Variants in GTF2F1 observed in about 807,000 individuals in gnomAD.
GTF2F1 encodes general transcription factor IIF 74 kDa subunit.
Under a neutral mutation model 63.5 loss-of-function variants are expected in GTF2F1, and 39 were observed. The ratio of observed to expected loss-of-function variants is 0.61; its 90% CI spans 0.48 to 0.80. The LOEUF (loss-of-function observed/expected upper bound fraction) is 0.80. GTF2F1 is among the 30% of genes least tolerant of loss of function. The probability of loss-of-function intolerance (pLI) is 0.00; values close to 1 mark genes in which losing one functional copy is unlikely to be tolerated. For synonymous variants in GTF2F1, 287 were observed against 285.3 expected, an observed-to-expected ratio of 1.01 and a Z score of -0.06; for missense variants, 657 against 718.3, an observed-to-expected ratio of 0.91 and a Z score of 0.97.
rs2092008217 is a variant in GTF2F1, at chr19:6,393,060, G to A, written c.-65C>T. 2 of 1,603,944 alleles carry A rather than the reference G, an allele frequency of 1.2e-6. No homozygotes were observed. Among genetic ancestry groups the A allele is most frequent in the Non-Finnish European group, 8.5e-7 (1 of 1,173,190 alleles). On this transcript the variant is annotated 5_prime_UTR_variant, in exon 1 of 13. It adds an upstream start codon to the 5' untranslated region. Transcript: ENST00000394456. Reference sequence around the variant, plus strand: ...TCCTTTCGTCTCCTCTGGCGTGCGCGTCCCTCGATCCCGGGGAAGCCGCCG... The same window carrying A: ...TCCTTTCGTCTCCTCTGGCGTGCGCATCCCTCGATCCCGGGGAAGCCGCCG...
At position 6,387,563 on chromosome 19, in the gene GTF2F1, C is replaced by A. The variant is rs1332370531; in HGVS notation, c.327-4G>T. ...TCCCTTCTTGATGCCCTTGAACCTGCAGGGAGCCACGGTCATGGCCTGGCC... is the reference window on the plus strand; with the variant it reads ...TCCCTTCTTGATGCCCTTGAACCTGAAGGGAGCCACGGTCATGGCCTGGCC... On this transcript the variant is annotated splice_polypyrimidine_tract_variant and splice_region_variant and intron_variant, in intron 4 of 12. Coordinates refer to ENST00000394456, the MANE Select transcript of GTF2F1 (RefSeq NM_002096.3). 6.2e-7 allele frequency: 1 copy of A among 1,613,616 alleles called. No homozygotes were observed. The highest frequency in any genetic ancestry group is 1.1e-5 in the South Asian group (1 of 91,054).
chr19:6,389,118 C>G (rs1011862154), intron 4 of GTF2F1, among the ~76,000 whole-genome samples: 1 of 151,954 alleles, frequency 6.6e-6, no homozygotes, highest in East Asian at 1.9e-4. Flanking sequence ...CACCTGTAAT[C>G]CCAGCTACTC....
Position 6,383,569 on chromosome 19 carries a change from C to T in GTF2F1, c.498-74G>A. The stretch of plus-strand genomic sequence containing the variant: ...CATCTGTGCTTGCAGGGGGCGAGCC[C>T]CAGGGCACCACCCACATAGCCTTCA... On this transcript the variant is annotated intron_variant, in intron 5 of 12. Coordinates refer to ENST00000394456, the MANE Select transcript of GTF2F1 (RefSeq NM_002096.3). This position sits in a 1 kb window ranked among gnomAD's most constrained non-coding sequence, Gnocchi z 4.5. The T allele has an allele frequency of 6.7e-7, 1 of 1,500,864 alleles. No homozygotes were observed. Among genetic ancestry groups the T allele is most frequent in the Non-Finnish European group, 9.1e-7 (1 of 1,094,396 alleles). The allele number at this position is 1,500,864 out of a possible 1,614,324, so 93.0% of individuals were successfully genotyped here.
chr19:6,381,678 C>A lies in GTF2F1; in HGVS notation c.836+19G>T, dbSNP rs778541739. ...GCGAGGCTGCATGGGGTCTCGCAGGCGCCTCCCGTCGGCCTCACCTGGAGC... is the reference window on the plus strand; with the variant it reads ...GCGAGGCTGCATGGGGTCTCGCAGGAGCCTCCCGTCGGCCTCACCTGGAGC... On this transcript the variant is annotated intron_variant, in intron 7 of 12. Transcript: ENST00000394456. This position sits in a 1 kb window ranked among gnomAD's most constrained non-coding sequence, Gnocchi z 4.1. 1.9e-6 allele frequency: 3 copies of A among 1,613,964 alleles called. No individual in the cohort carries two copies. The highest frequency in any genetic ancestry group is 2.5e-6 in the Non-Finnish European group (3 of 1,180,034).
intron 5 of GTF2F1, among the ~76,000 whole-genome samples, chr19:6,386,097 T>G (rs149144529): frequency 7.0e-6 from 1 of 143,494 alleles, no homozygotes; most frequent in African/African-American, 2.6e-5. Context: ...ACAACAAAAC[T>G]AAAACAGGCC....
In GTF2F1 at chr19:6,381,383, G is replaced by A. The variant is rs1464444198; in HGVS notation, c.994C>T (p.Pro332Ser). The change falls in exon 9 of 13, where the codon CCG becomes TCG. Residue 332 changes from proline to serine, a missense_variant. By Grantham distance (74) the Pro-to-Ser change is moderately conservative. Around this residue, in one of 2 missense-constraint regions of GTF2F1, gnomAD observed 602 missense variants for 625.6 expected, o/e 0.96. Coordinates refer to ENST00000394456, the MANE Select transcript of GTF2F1 (RefSeq NM_002096.3). The surrounding 1 kb of genome is among the most constrained non-coding windows in gnomAD (Gnocchi z 4.1). ...EEEEEKKAPT[P>S]QEKKRRKDSS... ...CCTTTCCTGCGCTTCTTCTCCTGCG[G>A]GGTGGGTGCCTTCTTCTCCTCCTCC... 2 of 1,609,008 alleles carry A rather than the reference G, an allele frequency of 1.2e-6. No individual in the cohort carries two copies. Among genetic ancestry groups the A allele is most frequent in the African/African-American group, 1.3e-5 (1 of 74,826 alleles).
rs2091948288 is a variant in GTF2F1 at position 6,381,227 on chromosome 19, A to G, written c.1019-32T>C. The G allele has an allele frequency of 5.7e-6, 9 of 1,588,566 alleles. No individual in the cohort carries two copies. Among genetic ancestry groups the G allele is most frequent in the Non-Finnish European group, 7.7e-6 (9 of 1,168,396 alleles). On this transcript the variant is annotated intron_variant, in intron 9 of 12. Transcript: ENST00000394456. This position sits in a 1 kb window ranked among gnomAD's most constrained non-coding sequence, Gnocchi z 4.1. ...GGCACAGGAAAGGGGTCAGGGCCAG[A>G]GCAACCCCGGGACCCGGTGCCCACT... is the stretch of plus-strand genomic sequence containing the variant.
intron 6 of GTF2F1, among the ~76,000 whole-genome samples, chr19:6,382,191 C>G (rs1257410504): frequency 6.6e-6 from 1 of 152,152 alleles, no homozygotes; most frequent in Non-Finnish European, 1.5e-5. Context: ...ATAGGAACCC[C>G]CGTAAAGGCC....
rs201557731 is a variant in GTF2F1 at position 6,387,480 on chromosome 19, C to T, written c.406G>A (p.Glu136Lys). The T allele has an allele frequency of 3.7e-6, 6 of 1,614,176 alleles. No homozygotes were observed. In the East Asian group the frequency reaches 6.7e-5, roughly 18 times the overall value. The change falls in exon 5 of 13, where the codon GAG becomes AAG. Residue 136 changes from glutamate (E) to lysine (K), a missense_variant. Glu to Lys is a moderately conservative substitution (Grantham distance 56). Coordinates refer to ENST00000394456, the MANE Select transcript of GTF2F1 (RefSeq NM_002096.3). ...IFTQCPDGAF[E>K]AFPVHNWYNF... is the part of the protein sequence containing the mutation. ...TACCAGTTGTGCACGGGGAAGGCCT[C>T]GAAGGCCCCGTCGGGGCACTGGGTG...
chr19:6,391,448 T>G (rs8105928), intron 3 of GTF2F1, among the ~76,000 whole-genome samples: 22 of 117,526 alleles, frequency 1.9e-4, no homozygotes, highest in African/African-American at 6.4e-4. Context: ...CGTTTTTTTT[T>G]TTTTTTTTTT....
chr19:6,388,031 G>A (rs1485577146), intron 4 of GTF2F1, among the ~76,000 whole-genome samples: 1 of 150,202 alleles, frequency 6.7e-6, no homozygotes, highest in Non-Finnish European at 1.5e-5. Context: ...CCGGGTTCAA[G>A]CAATTCTCAT....
rs891318943 is a variant in GTF2F1 at position 6,381,508 on chromosome 19, G to A, written c.899-30C>T. ...GAGGGGCAGGGTATGAGCAAGAGCAGGGAAGCACCGCCCCCATCTCCCCGG... is the reference window on the plus strand; with the variant it reads ...GAGGGGCAGGGTATGAGCAAGAGCAAGGAAGCACCGCCCCCATCTCCCCGG... On this transcript the variant is annotated intron_variant, in intron 8 of 12. Transcript: ENST00000394456. The surrounding 1 kb of genome is among the most constrained non-coding windows in gnomAD (Gnocchi z 4.1). 1.2e-6 allele frequency: 2 copies of A among 1,609,248 alleles called. No homozygotes were observed. Among genetic ancestry groups the A allele is most frequent in the Non-Finnish European group, 1.7e-6 (2 of 1,179,754 alleles).
chr19:6,391,577 T>C (rs1312189771), intron 3 of GTF2F1, among the ~76,000 whole-genome samples: 2 of 149,260 alleles, frequency 1.3e-5, no homozygotes, highest in African/African-American at 2.4e-5. Flanking sequence ...CTCAGCCTCC[T>C]ATGTAGGACT....
At position 6,391,936 on chromosome 19, in the gene GTF2F1, G is replaced by A. The variant is rs1323398281; in HGVS notation, c.98C>T (p.Ala33Val). The A allele has an allele frequency of 2.5e-6, 4 of 1,583,292 alleles. No homozygotes were observed. Among genetic ancestry groups the A allele is most frequent in the Admixed American group, 1.8e-5 (1 of 55,164 alleles). ...TKKYNIMAFN[A>V]ADKVNFATWN... ...CGTAGCAAAGTTGACTTTGTCGGCT[G>A]CATTAAAAGCCATGATGTTATATTT... Residue 33 changes from alanine (A) to valine (V), a missense_variant, in exon 3 of 13, where the codon GCA becomes GTA. Around this residue, in one of 2 missense-constraint regions of GTF2F1, gnomAD observed 602 missense variants for 625.6 expected, o/e 0.96. Coordinates refer to ENST00000394456, the MANE Select transcript of GTF2F1 (RefSeq NM_002096.3).
Position 6,383,259 on chromosome 19 carries a change from C to A in GTF2F1, c.682+52G>T. On this transcript the variant is annotated intron_variant, in intron 6 of 12. Transcript: ENST00000394456. This position sits in a 1 kb window ranked among gnomAD's most constrained non-coding sequence, Gnocchi z 4.5. ...CGATGGTAGACTTTGCCTTCACTGG[C>A]ACTGCCTGAGCAGGCACCTCTGTGA... is the stretch of plus-strand genomic sequence containing the variant. 6.4e-7 allele frequency: 1 copy of A among 1,573,368 alleles called. No homozygotes were observed. The highest frequency in any genetic ancestry group is 2.2e-5 in the East Asian group (1 of 44,538).
At chr19:6,390,993 C>T (rs1322484305) in intron 3 of GTF2F1, among the ~76,000 whole-genome samples, 2 of 152,136 alleles carry the variant, frequency 1.3e-5, no homozygotes, top group South Asian at 2.1e-4. Flanking sequence ...TAATGTGATC[C>T]GAATTACCCT....
intron 4 of GTF2F1, among the ~76,000 whole-genome samples, chr19:6,387,998 C>T (rs2091980443): frequency 6.7e-6 from 1 of 150,052 alleles, no homozygotes; most frequent in African/African-American, 2.4e-5. Context: ...GGCACCATCT[C>T]AGCTCACTGC....
rs1404624184 is a variant in GTF2F1 at position 6,381,362 on chromosome 19, T to C, written c.1015A>G (p.Lys339Glu). 6.3e-7 allele frequency: 1 copy of C among 1,597,340 alleles called. No homozygotes were observed. Among genetic ancestry groups the C allele is most frequent in the South Asian group, 1.1e-5 (1 of 89,490 alleles). Reference protein sequence around the residue: ...APTPQEKKRRKDSSEESDSSE... With the variant: ...APTPQEKKRREDSSEESDSSE... ...ATGGGGGCCACATGCGCCGCACCTT[T>C]CCTGCGCTTCTTCTCCTGCGGGGTG... is the stretch of plus-strand genomic sequence containing the variant. The change falls in exon 9 of 13, where the codon AAA becomes GAA. Residue 339 changes from lysine (K) to glutamate (E), a missense_variant. Physicochemically the swap from Lys to Glu is moderately conservative, Grantham distance 56. Transcript: ENST00000394456. This position sits in a 1 kb window ranked among gnomAD's most constrained non-coding sequence, Gnocchi z 4.1.
At chr19:6,392,482 G>A (rs1180731501) in intron 2 of GTF2F1, 3 of 522,260 alleles carry the variant, frequency 5.7e-6, no homozygotes, top group Non-Finnish European at 1.1e-5. Flanking sequence ...TCACAGTTTA[G>A]GGGTTGAGGG....
Sources: allele counts gnomAD v4.1 joint callset (sites outside exome capture counted in the v4.1 genomes callset), GRCh38; gene constraint gnomAD v4.1.1; regional missense constraint gnomAD v4.1.1; non-coding constraint Gnocchi (gnomAD v3.1); transcripts MANE v1.5; gene names NCBI Gene and HGNC (gene_info 2026-07-23, HGNC 2026-07-21).